ZFHX3: variants seen among roughly 807,000 people sequenced by gnomAD.
ZFHX3 encodes zinc finger homeobox 3.
ZFHX3 carries 42 observed loss-of-function variants against 279.1 expected under a neutral mutation model. The ratio of observed to expected loss-of-function variants is 0.15; its 90% confidence interval spans 0.12 to 0.19. The LOEUF (loss-of-function observed/expected upper bound fraction) is 0.19. ZFHX3 is among the 10% of genes least tolerant of loss of function. The pLI is 1.00. For synonymous variants in ZFHX3, 2,293 were observed against 1,957.8 expected, an observed-to-expected ratio of 1.17 and a Z score of -4.52; for missense variants, 4,981 against 4,754.0, an observed-to-expected ratio of 1.05 and a Z score of -1.40.
At chr16:73,238,396 C>T (rs1371533223) in intron 5 of ZFHX3, among the ~76,000 whole-genome samples, 2 of 152,154 alleles carry the variant, frequency 1.3e-5, no homozygotes, top group African/African-American at 4.8e-5. Flanking sequence ...CAATTCAGGG[C>T]ACCCCAAATC....
intron 2 of ZFHX3, among the ~76,000 whole-genome samples, chr16:73,516,794 C>G (rs2019529647): frequency 6.6e-6 from 1 of 152,198 alleles, no homozygotes; most frequent in Non-Finnish European, 1.5e-5. Context: ...CACACAGTAG[C>G]TGCACAGAGA....
intron 4 of ZFHX3, among the ~76,000 whole-genome samples, chr16:73,295,472 T>C (rs750579666): frequency 6.6e-6 from 1 of 152,270 alleles, no homozygotes; most frequent in Non-Finnish European, 1.5e-5. Flanking sequence ...TTGTTAAACA[T>C]TTCTCATTGG....
intron 1 of ZFHX3, among the ~76,000 whole-genome samples, chr16:72,988,467 C>T (rs1214443489): frequency 1.3e-5 from 2 of 152,230 alleles, no homozygotes; most frequent in Non-Finnish European, 1.5e-5. Context: ...CCAAACATTT[C>T]TGATTAAGGG....
At chr16:73,285,702 C>T (rs527731350) in intron 4 of ZFHX3, among the ~76,000 whole-genome samples, 37 of 152,324 alleles carry the variant, frequency 2.4e-4, no homozygotes, top group African/African-American at 7.7e-4. Flanking sequence ...ACATCTTACT[C>T]ATATTTACAC....
intron 3 of ZFHX3, among the ~76,000 whole-genome samples, chr16:73,367,729 C>A (rs558625499): frequency 6.6e-6 from 1 of 152,292 alleles, no homozygotes; most frequent in African/African-American, 2.4e-5. Context: ...TCATTCTTCC[C>A]ATCTGTAAAA....
At chr16:73,085,144 C>A (rs1965996861) in intron 8 of ZFHX3, among the ~76,000 whole-genome samples, 1 of 152,188 alleles carries the variant, frequency 6.6e-6, no homozygotes, top group Non-Finnish European at 1.5e-5. Context: ...AAATATACTA[C>A]AAAGCCATAG....
intron 2 of ZFHX3, among the ~76,000 whole-genome samples, chr16:73,511,682 C>A (rs1193398877): frequency 6.6e-6 from 1 of 152,122 alleles, no homozygotes; most frequent in Non-Finnish European, 1.5e-5. Flanking sequence ...TCATTTCCAA[C>A]ATGGCAGATA....
intron 1 of ZFHX3, among the ~76,000 whole-genome samples, chr16:73,698,306 T>G (rs928110675): frequency 6.6e-6 from 1 of 152,194 alleles, no homozygotes; most frequent in Non-Finnish European, 1.5e-5. Flanking sequence ...TTCAGAAGAA[T>G]TCCAATTACT....
At chr16:73,362,267 C>T (rs762267633) in intron 3 of ZFHX3, among the ~76,000 whole-genome samples, 2 of 152,170 alleles carry the variant, frequency 1.3e-5, no homozygotes, top group Admixed American at 6.5e-5. Context: ...AGTTTGCAAA[C>T]GGGACATGGG....
intron 1 of ZFHX3, among the ~76,000 whole-genome samples, chr16:73,754,277 T>C (rs540626621): frequency 1.1e-4 from 17 of 152,282 alleles, no homozygotes; most frequent in East Asian, 3.9e-4. Flanking sequence ...TCTGGGTGTG[T>C]TGTAGACCTA....
Position 72,794,017 on chromosome 16 carries a change from G to C in ZFHX3, c.8665C>G (p.Arg2889Gly), listed in dbSNP as rs758610922. The C allele has an allele frequency of 2.6e-5, 42 of 1,614,184 alleles. No homozygotes were observed. The highest frequency in any genetic ancestry group is 3.5e-5 in the Non-Finnish European group (41 of 1,180,036). ...AMMAMSEYED[R>G]LSSGLVSPAP... ...GGGCTGACCAGACCAGATGACAACCGATCTTCATACTCAGACATTGCCATC... is the reference window on the plus strand; with the variant it reads ...GGGCTGACCAGACCAGATGACAACCCATCTTCATACTCAGACATTGCCATC... Residue 2889 changes from arginine to glycine, a missense_variant, in exon 9 of 10, where the codon CGG (arginine) becomes GGG (glycine). By Grantham distance (125) the Arg-to-Gly change is moderately radical. Coordinates refer to ENST00000268489, the MANE Select transcript of ZFHX3 (RefSeq NM_006885.4). The surrounding 1 kb of genome is among the most constrained non-coding windows in gnomAD (Gnocchi z 4.2).
At chr16:73,095,701 A>G (rs1006882265) in intron 7 of ZFHX3, among the ~76,000 whole-genome samples, 1 of 152,204 alleles carries the variant, frequency 6.6e-6, no homozygotes, top group Non-Finnish European at 1.5e-5. Context: ...CATTGGCCTG[A>G]TGCCATTTGG....
intron 1 of ZFHX3, among the ~76,000 whole-genome samples, chr16:73,855,334 G>C (rs1415808963): frequency 6.7e-6 from 1 of 149,154 alleles, no homozygotes; most frequent in Non-Finnish European, 1.5e-5. Context: ...AAATGGGCCA[G>C]ATCCACGATT....
chr16:72,927,943 G>A (rs188493866), intron 3 of ZFHX3, among the ~76,000 whole-genome samples: 5 of 148,948 alleles, frequency 3.4e-5, no homozygotes, highest in Admixed American at 2.7e-4. Context: ...CTAAGACTCA[G>A]TAATTGTTTA....
At chr16:72,962,027 T>C (rs1235557955) in intron 1 of ZFHX3, among the ~76,000 whole-genome samples, 2 of 152,194 alleles carry the variant, frequency 1.3e-5, no homozygotes, top group African/African-American at 4.8e-5. Flanking sequence ...ATTGGCTGGA[T>C]GACATCTGAT....
chr16:73,811,870 C>T (rs543251150), intron 1 of ZFHX3, among the ~76,000 whole-genome samples: 11 of 152,250 alleles, frequency 7.2e-5, no homozygotes, highest in African/African-American at 2.4e-4. Context: ...ATTCCCAGGC[C>T]TCACTTGGCT....
chr16:72,943,352 G>A (rs1418745264), intron 3 of ZFHX3, among the ~76,000 whole-genome samples: 1 of 152,118 alleles, frequency 6.6e-6, no homozygotes, highest in Admixed American at 6.5e-5. Context: ...TGGCCACCAT[G>A]GCAAAACCCC....
intron 3 of ZFHX3, among the ~76,000 whole-genome samples, chr16:73,454,251 T>C (rs74028660): frequency 0.053 from 8,112 of 152,214 alleles, 711 homozygotes; most frequent in African/African-American, 0.18. Context: ...ACCATGTCTT[T>C]GTCTCAATCT....
At chr16:73,649,324 A>G (rs918443514) in intron 2 of ZFHX3, among the ~76,000 whole-genome samples, 3 of 152,164 alleles carry the variant, frequency 2.0e-5, no homozygotes, top group East Asian at 3.8e-4. Flanking sequence ...TTTGGTCTCA[A>G]TCTCTATTGT....
Sources: allele counts gnomAD v4.1 joint callset (sites outside exome capture counted in the v4.1 genomes callset), GRCh38; gene constraint gnomAD v4.1.1; non-coding constraint Gnocchi (gnomAD v3.1); transcripts MANE v1.5; gene names NCBI Gene and HGNC (gene_info 2026-07-23, HGNC 2026-07-21).